The following CADPS variants were observed in gnomAD, a reference collection of about 807,000 sequenced individuals.
CADPS encodes the protein calcium dependent secretion activator, also known as calcium-dependent secretion activator 1.
Under a neutral mutation model 167.3 loss-of-function variants are expected in CADPS, and 57 were observed. The ratio of observed to expected loss-of-function variants is 0.34; its 90% CI spans 0.28 to 0.42. The LOEUF is 0.42. CADPS is among the 20% of genes least tolerant of loss of function. CADPS has a pLI of 1.00. For missense variants in CADPS, 1,414 were observed against 1,738.1 expected (o/e 0.81, Z 3.32); for synonymous variants, 676 against 635.3 (o/e 1.06, Z -0.96).
chr3:62,804,438 TGAGA>T (rs1211145092), intron 1 of CADPS, among the ~76,000 whole-genome samples: 13 of 152,144 alleles, frequency 8.5e-5, no homozygotes, highest in Admixed American at 6.6e-5. Flanking sequence ...GGTGAGTGAC[TGAGA>T]GAGAGAGGAA....
chr3:62,709,483 T>C (rs953793222), intron 3 of CADPS, among the ~76,000 whole-genome samples: 8 of 152,162 alleles, frequency 5.3e-5, no homozygotes, highest in African/African-American at 1.2e-4. Flanking sequence ...CATACCCTTA[T>C]TGGGTTGTTG....
chr3:62,816,571 G>A (rs994203), intron 1 of CADPS, among the ~76,000 whole-genome samples: 134,453 of 151,738 alleles, frequency 0.89, 59,792 homozygotes, highest in East Asian at 1. Flanking sequence ...CCCCTTGATG[G>A]TAACTTTAAA....
chr3:62,832,934 AAAC>A (rs999525364), intron 1 of CADPS, among the ~76,000 whole-genome samples: 2 of 152,306 alleles, frequency 1.3e-5, no homozygotes, highest in East Asian at 1.9e-4. Flanking sequence ...CTCCTTTAGA[AAAC>A]AACAACAACC....
At chr3:62,676,794 A>G (rs1193721797) in intron 3 of CADPS, among the ~76,000 whole-genome samples, 1 of 152,142 alleles carries the variant, frequency 6.6e-6, no homozygotes, top group African/African-American at 2.4e-5. Flanking sequence ...TTCTGTCTCT[A>G]CAGCCTGACA....
chr3:62,616,686 C>T (rs1416894777), intron 6 of CADPS, among the ~76,000 whole-genome samples: 1 of 152,098 alleles, frequency 6.6e-6, no homozygotes, highest in Non-Finnish European at 1.5e-5. Context: ...ATATAATGCT[C>T]AGCACTGTAC....
At position 62,488,603 on chromosome 3, in the gene CADPS, C is replaced by T. The variant is rs553566709; in HGVS notation, c.3026+2736G>A. The stretch of plus-strand genomic sequence containing the variant: ...GAACTCCTGGGCTCAAGCAATCCTC[C>T]CACCTCAGCCTCCTGAGTAGTTTGG... On this transcript the variant is annotated intron_variant, in intron 21 of 29. Transcript: ENST00000383710. 3.9e-5 allele frequency among the ~76,000 whole-genome samples: 6 copies of T among 152,172 alleles called. No individual in the cohort carries two copies. The South Asian group carries it at 1.2e-3, about 32-fold the overall frequency.
At chr3:62,631,720 G>A (rs2065309228) in intron 6 of CADPS, among the ~76,000 whole-genome samples, 1 of 152,090 alleles carries the variant, frequency 6.6e-6, no homozygotes, top group African/African-American at 2.4e-5. Flanking sequence ...CTTCATTTGA[G>A]CACAATGATT....
At chr3:62,649,860 T>C (rs1266035071) in intron 5 of CADPS, among the ~76,000 whole-genome samples, 1 of 152,104 alleles carries the variant, frequency 6.6e-6, no homozygotes, top group East Asian at 1.9e-4. Context: ...CCTGGCTTTT[T>C]TCACCAGGCG....
At chr3:62,855,671 C>T (rs1378603183) in intron 1 of CADPS, among the ~76,000 whole-genome samples, 1 of 152,048 alleles carries the variant, frequency 6.6e-6, no homozygotes, top group Non-Finnish European at 1.5e-5. Flanking sequence ...TGTCAAATGT[C>T]TAGTTTTGCT....
intron 13 of CADPS, among the ~76,000 whole-genome samples, chr3:62,528,907 C>T (rs2072990329): frequency 6.6e-6 from 1 of 152,046 alleles, no homozygotes; most frequent in South Asian, 2.1e-4. Context: ...GCCTGTAATC[C>T]CAGCACTTTA....
intron 13 of CADPS, chr3:62,530,910 A>C (rs2151953918): frequency 5.7e-6 from 3 of 528,158 alleles, no homozygotes; most frequent in Non-Finnish European, 7.4e-6. Context: ...AGAAAGAAAA[A>C]GAAGGGTGCA....
intron 24 of CADPS, chr3:62,470,782 T>C (rs2150510233): frequency 6.6e-6 from 1 of 152,214 alleles, no homozygotes; most frequent in South Asian, 2.1e-4. Context: ...AATCATAGAC[T>C]AGGATGCATT....
intron 1 of CADPS, among the ~76,000 whole-genome samples, chr3:62,826,315 G>A (rs1266999357): frequency 6.6e-6 from 1 of 152,038 alleles, no homozygotes; most frequent in Non-Finnish European, 1.5e-5. Context: ...CCTGAAAATT[G>A]GTGTCATGCT....
At chr3:62,564,522 TAC>T (rs1303903813) in intron 9 of CADPS, among the ~76,000 whole-genome samples, 1 of 152,102 alleles carries the variant, frequency 6.6e-6, no homozygotes, top group Non-Finnish European at 1.5e-5. Context: ...CACAGAATAT[TAC>T]AGTTTGTACA....
At chr3:62,454,160 A>G (rs1051967519) in intron 26 of CADPS, among the ~76,000 whole-genome samples, 4 of 152,260 alleles carry the variant, frequency 2.6e-5, no homozygotes, top group African/African-American at 9.6e-5. Context: ...GAACCATTTC[A>G]GATAATGGAA....
intron 29 of CADPS, among the ~76,000 whole-genome samples, chr3:62,402,545 G>T (rs926426221): frequency 6.6e-6 from 1 of 151,992 alleles, no homozygotes. Flanking sequence ...CTACTTTCAG[G>T]GTATGTTATC....
At chr3:62,860,660 C>T (rs1326102369) in intron 1 of CADPS, among the ~76,000 whole-genome samples, 1 of 152,136 alleles carries the variant, frequency 6.6e-6, no homozygotes, top group Non-Finnish European at 1.5e-5. Context: ...CCTTTCTCTA[C>T]TCCTATGCCC....
intron 21 of CADPS, among the ~76,000 whole-genome samples, chr3:62,484,593 T>C (rs999776614): frequency 1.3e-5 from 2 of 152,142 alleles, no homozygotes; most frequent in Non-Finnish European, 2.9e-5. Flanking sequence ...AAAGAATAGC[T>C]TCCATTTAGG....
intron 2 of CADPS, among the ~76,000 whole-genome samples, chr3:62,757,451 T>G (rs985675185): frequency 1.3e-5 from 2 of 152,066 alleles, no homozygotes; most frequent in Admixed American, 1.3e-4. Context: ...TAGCTGGTGC[T>G]CAGTAAATAT....
Sources: allele counts gnomAD v4.1 joint callset (sites outside exome capture counted in the v4.1 genomes callset), GRCh38; gene constraint gnomAD v4.1.1; transcripts MANE v1.5; gene names NCBI Gene and HGNC (gene_info 2026-07-23, HGNC 2026-07-21).